Variants in NUP85 observed in about 807,000 individuals in gnomAD.
NUP85 encodes the protein nuclear pore complex protein Nup85.
In NUP85, 23 loss-of-function variants were observed where a neutral mutation model predicts 92.8. The ratio of observed to expected loss-of-function variants is 0.25; its 90% CI spans 0.18 to 0.35. The LOEUF is 0.35. NUP85 is among the 10% of genes least tolerant of loss of function. The pLI, the probability that NUP85 is intolerant of heterozygous loss-of-function variation, is 1.00. For synonymous variants in NUP85, 314 were observed against 306.9 expected, an observed-to-expected ratio of 1.02 and a Z score of -0.24; for missense variants, 759 against 822.8, an observed-to-expected ratio of 0.92 and a Z score of 0.95.
At chr17:75,215,312 T>A (rs2075397097) in intron 5 of NUP85, among the ~76,000 whole-genome samples, 1 of 152,178 alleles carries the variant, frequency 6.6e-6, no homozygotes, top group Non-Finnish European at 1.5e-5. Flanking sequence ...TGGGCTCAAG[T>A]GATGCTCCCA....
In NUP85 at chr17:75,218,227, A is replaced by C. The variant is rs938531464; in HGVS notation, c.518A>C (p.His173Pro). ...CATCTCCTTGACTGGGTCCGGCTCC[A>C]TGTGTGCGAGGTGGACAGTTTGTCG... Reference protein sequence around the residue: ...LLHLLDWVRLHVCEVDSLSAD... With the variant: ...LLHLLDWVRLPVCEVDSLSAD... The change falls in exon 7 of 19, where the codon CAT (histidine) becomes CCT (proline). Residue 173 changes from histidine to proline, a missense_variant. Coordinates refer to ENST00000245544, the MANE Select transcript of NUP85 (RefSeq NM_024844.5). 1 of 1,613,832 alleles carries C rather than the reference A, an allele frequency of 6.2e-7. No homozygotes were observed. Among genetic ancestry groups the C allele is most frequent in the Non-Finnish European group, 8.5e-7 (1 of 1,179,940 alleles).
Position 75,225,745 on chromosome 17 carries a change from G to A in NUP85, c.903G>A (p.Leu301=). ...EAALLEQKEL[L]SNWYHFLVTR... Reference sequence around the variant, plus strand: ...CCTTGTTAGAGCAGAAGGAACTTCTGAGTAATTGGTATCATTTCCTAGTGA... The same window carrying A: ...CCTTGTTAGAGCAGAAGGAACTTCTAAGTAATTGGTATCATTTCCTAGTGA... Residue 301 remains leucine, a synonymous_variant, in exon 10 of 19, where the codon CTG becomes CTA. Transcript: ENST00000245544. 2.5e-6 allele frequency: 4 copies of A among 1,614,090 alleles called. No individual in the cohort carries two copies. The highest frequency in any genetic ancestry group is 3.4e-6 in the Non-Finnish European group (4 of 1,180,006).
At chr17:75,227,548 G>A (rs1420840594) in intron 11 of NUP85, among the ~76,000 whole-genome samples, 1 of 151,922 alleles carries the variant, frequency 6.6e-6, no homozygotes, top group Non-Finnish European at 1.5e-5. Flanking sequence ...TGTTGCCTAG[G>A]CAGGCTGGTC....
chr17:75,235,561 C>T lies in NUP85; in HGVS notation c.1870-17C>T, dbSNP rs367757805. 38 of 1,589,924 alleles carry T rather than the reference C, an allele frequency of 2.4e-5. No individual in the cohort carries two copies. In the East Asian group the frequency reaches 5.4e-4, roughly 22 times the overall value. On this transcript the variant is annotated splice_polypyrimidine_tract_variant and intron_variant, in intron 18 of 18. Coordinates refer to ENST00000245544, the MANE Select transcript of NUP85 (RefSeq NM_024844.5). The stretch of plus-strand genomic sequence containing the variant: ...CCTTCCTGCTCTTAGCTCATGCTGG[C>T]GCTCTCTGCTTTGCAGGATGATGAC...
At chr17:75,211,194 G>T (rs560509607) in intron 3 of NUP85, among the ~76,000 whole-genome samples, 6 of 151,518 alleles carry the variant, frequency 4.0e-5, no homozygotes, top group African/African-American at 1.5e-4. Context: ...GTAGAGATGG[G>T]GTTTCATCAT....
chr17:75,218,734 C>T (rs1419609845), intron 7 of NUP85, among the ~76,000 whole-genome samples: 1 of 151,294 alleles, frequency 6.6e-6, no homozygotes, highest in Non-Finnish European at 1.5e-5. Flanking sequence ...GTGAGACCCT[C>T]CATCTCAAAA....
At position 75,231,759 on chromosome 17, in the gene NUP85, G is replaced by A; in HGVS notation, c.1245-69G>A. 1.2e-6 allele frequency: 2 copies of A among 1,607,982 alleles called. No individual in the cohort carries two copies. The highest frequency in any genetic ancestry group is 1.7e-6 in the Non-Finnish European group (2 of 1,175,414). On this transcript the variant is annotated intron_variant, in intron 13 of 18. Transcript: ENST00000245544. This position sits in a 1 kb window ranked among gnomAD's most constrained non-coding sequence, Gnocchi z 4.6. ...AGGCTTCGGAAGGGTCAGTGAAAGG[G>A]AGCTGTAGGTGCCAGTCCTCGGAGC...
rs2145252471 is a variant in NUP85 at position 75,205,689 on chromosome 17, C to T, written c.-73C>T. The T allele has an allele frequency of 6.3e-7, 1 of 1,585,758 alleles. No individual in the cohort carries two copies. Among genetic ancestry groups the T allele is most frequent in the Non-Finnish European group, 8.7e-7 (1 of 1,154,686 alleles). On this transcript the variant is annotated 5_prime_UTR_variant, in exon 1 of 19. Coordinates refer to ENST00000245544, the MANE Select transcript of NUP85 (RefSeq NM_024844.5). ...CCCAGGCGGAGTCTTGTCTCGCAGC[C>T]AGCTCTGAGCGGGAGGCCTGAGCGG...
Position 75,225,212 on chromosome 17 carries a change from T to G in NUP85, c.707T>G (p.Leu236Arg). ...SAGICRIMGDLMRTMPILSPG... is the reference protein window; with the variant it reads ...SAGICRIMGDRMRTMPILSPG... ...GGCATATGCCGAATCATGGGGGACC[T>G]GATGAGGACAATGCCCATTCTTAGT... Residue 236 changes from leucine (L) to arginine (R), a missense_variant, in exon 8 of 19, where the codon CTG becomes CGG. By Grantham distance (102) the Leu-to-Arg change is moderately radical (BLOSUM62 -2). Transcript: ENST00000245544. The G allele has an allele frequency of 2.5e-6, 4 of 1,607,864 alleles. No individual in the cohort carries two copies. The highest frequency in any genetic ancestry group is 2.6e-6 in the Non-Finnish European group (3 of 1,175,912).
intron 11 of NUP85, among the ~76,000 whole-genome samples, chr17:75,226,392 C>T (rs1311048287): frequency 1.3e-5 from 2 of 152,152 alleles, no homozygotes; most frequent in Non-Finnish European, 2.9e-5. Flanking sequence ...GGCAATGTTG[C>T]TGGTGAGGGC....
Position 75,218,216 on chromosome 17 carries a change from G to A in NUP85, c.507G>A (p.Trp169Ter). The A allele has an allele frequency of 6.2e-7, 1 of 1,613,944 alleles. No homozygotes were observed. The highest frequency in any genetic ancestry group is 8.5e-7 in the Non-Finnish European group (1 of 1,179,938). Reference protein sequence around the residue: ...AGPLLLHLLDWVRLHVCEVDS... With the variant: ...AGPLLLHLLD ...CTCTCCTCCTCCATCTCCTTGACTG[G>A]GTCCGGCTCCATGTGTGCGAGGTGG... Residue 169 changes from tryptophan to a stop codon, truncating the protein, a stop_gained, in exon 7 of 19, where the codon TGG becomes TGA. Coordinates refer to ENST00000245544, the MANE Select transcript of NUP85 (RefSeq NM_024844.5). LOFTEE classifies it high-confidence loss of function.
chr17:75,223,142 A>C (rs1014955526), intron 7 of NUP85, among the ~76,000 whole-genome samples: 1 of 152,110 alleles, frequency 6.6e-6, no homozygotes, highest in Non-Finnish European at 1.5e-5. Context: ...ACTAGAAAGC[A>C]CTTCAGTACT....
intron 11 of NUP85, among the ~76,000 whole-genome samples, chr17:75,229,851 T>G (rs1199277990): frequency 1.3e-5 from 2 of 152,108 alleles, no homozygotes; most frequent in African/African-American, 4.8e-5. Context: ...TCCCTTAGCC[T>G]GGGTCCCCTA....
intron 6 of NUP85, among the ~76,000 whole-genome samples, chr17:75,216,915 CT>C (rs2075448608): frequency 6.6e-6 from 1 of 152,114 alleles, no homozygotes; most frequent in Non-Finnish European, 1.5e-5. Context: ...GAGACAAGTT[CT>C]CACTCTGTCA....
chr17:75,227,682 G>C (rs2075873401), intron 11 of NUP85, among the ~76,000 whole-genome samples: 1 of 151,578 alleles, frequency 6.6e-6, no homozygotes, highest in African/African-American at 2.4e-5. Context: ...TTGTCACCCG[G>C]GCTGGAGTGC....
intron 7 of NUP85, among the ~76,000 whole-genome samples, chr17:75,220,955 C>T (rs187449200): frequency 0.023 from 3,363 of 143,826 alleles, 130 homozygotes; most frequent in African/African-American, 0.081. Flanking sequence ...GATCTCGGCT[C>T]GCTGCAAGCT....
chr17:75,211,674 C>T (rs755295818), intron 3 of NUP85, among the ~76,000 whole-genome samples: 1 of 152,070 alleles, frequency 6.6e-6, no homozygotes, highest in African/African-American at 2.4e-5. Context: ...TGGGATTACA[C>T]GCCTGAGCCA....
intron 5 of NUP85, among the ~76,000 whole-genome samples, chr17:75,214,177 C>G (rs1366606010): frequency 6.6e-6 from 1 of 152,094 alleles, no homozygotes; most frequent in Non-Finnish European, 1.5e-5. Context: ...GCAAGTGGCT[C>G]TACTTTACTT....
intron 3 of NUP85, among the ~76,000 whole-genome samples, 181 bp from the exon 4 acceptor site, chr17:75,211,811 G>A (rs1008234750): frequency 2.0e-5 from 3 of 152,160 alleles, no homozygotes; most frequent in African/African-American, 4.8e-5. Flanking sequence ...TAGCCCATGG[G>A]TTGTTTTGTG....
Sources: gnomAD v4.1 joint callset for allele counts (sites outside exome capture counted in the v4.1 genomes callset) on GRCh38, gnomAD v4.1.1 for gene constraint, Gnocchi (gnomAD v3.1) non-coding constraint, MANE v1.5 for transcripts, NCBI Gene and HGNC (gene_info 2026-07-23, HGNC 2026-07-21) for gene names.